Variants in SLC25A48 observed in about 807,000 individuals in gnomAD.
SLC25A48 encodes the protein solute carrier family 25 member 48, also known as CTC-321K16.1.
A neutral mutation model predicts 32.2 loss-of-function variants in SLC25A48; 29 were observed. That is an observed-to-expected ratio of 0.90 (90% confidence interval 0.67 to 1.23). The LOEUF (loss-of-function observed/expected upper bound fraction) is 1.23, where lower values mean the gene tolerates loss of function less well. SLC25A48 is among the 50% of genes most tolerant of loss of function. The pLI, the probability that SLC25A48 is intolerant of heterozygous loss-of-function variation, is 0.00. For missense variants in SLC25A48, 399 were observed against 422.7 expected, an observed-to-expected ratio of 0.94 and a Z score of 0.49; for synonymous variants, 164 against 172.3, an observed-to-expected ratio of 0.95 and a Z score of 0.38.
chr5:135,879,037 G>A (rs1457750487), intron 6 of SLC25A48, among the ~76,000 whole-genome samples: 1 of 152,178 alleles, frequency 6.6e-6, no homozygotes, highest in Non-Finnish European at 1.5e-5. Context: ...CAAGAAGATT[G>A]AGGGAGGAAA....
chr5:135,722,965 A>G (rs1262883705), intron 3 of SLC25A48, among the ~76,000 whole-genome samples: 1 of 152,244 alleles, frequency 6.6e-6, no homozygotes, highest in African/African-American at 2.4e-5. Flanking sequence ...GGTCACCCCC[A>G]GATAGGGCCA....
chr5:135,831,601 C>T (rs1376831051), upstream of SLC25A48, among the ~76,000 whole-genome samples: 1 of 152,154 alleles, frequency 6.6e-6, no homozygotes, highest in Non-Finnish European at 1.5e-5. Flanking sequence ...AAGAAGGGGG[C>T]AGGGATTAGC....
chr5:135,701,494 T>A (rs1698193601), intron 3 of SLC25A48, among the ~76,000 whole-genome samples: 1 of 151,522 alleles, frequency 6.6e-6, no homozygotes, highest in South Asian at 2.1e-4. Context: ...CCCCACCACA[T>A]ATACACCCTG....
chr5:135,610,706 A>G (rs929067910), intron 1 of SLC25A48, among the ~76,000 whole-genome samples: 1 of 152,248 alleles, frequency 6.6e-6, no homozygotes, highest in Admixed American at 6.5e-5. Flanking sequence ...TTTCCTGCCT[A>G]AAACTTCAGT....
chr5:135,642,221 AC>A (rs997875358), intron 3 of SLC25A48, among the ~76,000 whole-genome samples: 5 of 152,170 alleles, frequency 3.3e-5, no homozygotes, highest in African/African-American at 9.7e-5. Context: ...CAGGGAAATT[AC>A]CTTTGTTTAG....
chr5:135,849,182 C>T (rs1759641549), intron 2 of SLC25A48, among the ~76,000 whole-genome samples: 1 of 152,208 alleles, frequency 6.6e-6, no homozygotes, highest in African/African-American at 2.4e-5. Flanking sequence ...ATGTACTCTT[C>T]CAGGGCCTCC....
At position 135,802,922 on chromosome 5, in the gene SLC25A48, A is replaced by C. The variant is rs184573374; in HGVS notation, c.-520-9601A>C. On this transcript the variant is annotated intron_variant, in intron 3 of 10. Coordinates refer to the SLC25A48 transcript ENST00000646290. Reference sequence around the variant, plus strand: ...AGATATTACTCCTAATATCACAGTGAGTGTGCACCTTGTGATATTCATAAT... The same window carrying C: ...AGATATTACTCCTAATATCACAGTGCGTGTGCACCTTGTGATATTCATAAT... 41 of 151,286 alleles carry C rather than the reference A, an allele frequency of 2.7e-4. No individual in the cohort carries two copies. In the East Asian group the frequency reaches 7.8e-3, roughly 29 times the overall value. 9.4% of individuals were successfully genotyped at this position (151,286 alleles called of 1,614,324 possible).
intron 3 of SLC25A48, among the ~76,000 whole-genome samples, chr5:135,786,038 G>A (rs1472680258): frequency 6.7e-6 from 1 of 150,092 alleles, no homozygotes; most frequent in Non-Finnish European, 1.5e-5. Context: ...ATTTCTCCCC[G>A]TGGGGCTGGG....
chr5:135,625,982 C>A (rs1030566280), intron 1 of SLC25A48, among the ~76,000 whole-genome samples: 6 of 152,184 alleles, frequency 3.9e-5, no homozygotes, highest in African/African-American at 1.2e-4. Flanking sequence ...CCACCACTGC[C>A]CCATCTCCTG....
intron 3 of SLC25A48, among the ~76,000 whole-genome samples, chr5:135,776,927 C>T (rs749284457): frequency 4.6e-5 from 7 of 151,916 alleles, no homozygotes; most frequent in Non-Finnish European, 8.8e-5. Context: ...GCAGGGGCTG[C>T]ACAGGCTCCC....
intron 3 of SLC25A48, chr5:135,652,292 A>G (rs1456260994): frequency 4.5e-6 from 2 of 439,666 alleles, no homozygotes; most frequent in Admixed American, 2.4e-5. Context: ...GACCTTTTCT[A>G]TTATGAAGGA....
Position 135,643,010 on chromosome 5 carries a change from C to T in SLC25A48, c.-521+8054C>T, listed in dbSNP as rs548463655. On this transcript the variant is annotated intron_variant, in intron 3 of 10. Transcript: ENST00000646290. ...CCAGTGGGAGCCAGGGCGGCAGCAACGCAAGTCCTAAACCCCCAGCACACA... is the reference window on the plus strand; with the variant it reads ...CCAGTGGGAGCCAGGGCGGCAGCAATGCAAGTCCTAAACCCCCAGCACACA... Among the ~76,000 whole-genome samples, 30 of 152,272 alleles carry T rather than the reference C, an allele frequency of 2.0e-4. 1 individual carries two copies. Among genetic ancestry groups the T allele is most frequent in the African/African-American group, 6.7e-4 (28 of 41,540 alleles).
intron 3 of SLC25A48, among the ~76,000 whole-genome samples, chr5:135,698,814 T>C (rs1289673446): frequency 1.3e-5 from 2 of 152,236 alleles, no homozygotes; most frequent in Non-Finnish European, 2.9e-5. Context: ...CAAGGAATTA[T>C]ATCCAGAATA....
chr5:135,736,623 A>G (rs1219857445), intron 3 of SLC25A48, among the ~76,000 whole-genome samples: 2 of 152,108 alleles, frequency 1.3e-5, no homozygotes, highest in Non-Finnish European at 2.9e-5. Context: ...TTGCCCCCAG[A>G]AAAGTGGTGC....
intron 3 of SLC25A48, among the ~76,000 whole-genome samples, chr5:135,784,252 AGC>A (rs1377758438): frequency 2.9e-5 from 2 of 70,028 alleles, no homozygotes; most frequent in African/African-American, 6.8e-5. Context: ...TACTCCCAAT[AGC>A]GCAGAGAGTG....
rs150437361 is a variant in SLC25A48, at chr5:135,774,465, A to G, written c.-520-38058A>G. The stretch of plus-strand genomic sequence containing the variant: ...GCTTGTGATATTGTTCTTAATATCC[A>G]GAAGGGGAGAGGATAATATTACTCC... On this transcript the variant is annotated intron_variant, in intron 3 of 10. Coordinates refer to the SLC25A48 transcript ENST00000646290. Among the ~76,000 whole-genome samples, 781 of 151,904 alleles carry G rather than the reference A, an allele frequency of 5.1e-3. 4 individuals carry two copies. The highest frequency in any genetic ancestry group is 0.018 in the African/African-American group (750 of 41,472).
At chr5:135,798,888 G>C (rs1036455396) in intron 3 of SLC25A48, among the ~76,000 whole-genome samples, 3 of 151,452 alleles carry the variant, frequency 2.0e-5, no homozygotes, top group African/African-American at 7.3e-5. Context: ...ATATCCATGG[G>C]GATGACGATG....
At chr5:135,832,674 A>G (rs569768751), upstream of SLC25A48, among the ~76,000 whole-genome samples, 14 of 152,330 alleles carry the variant, frequency 9.2e-5, no homozygotes, top group African/African-American at 3.4e-4. Flanking sequence ...AAAGCAAGGC[A>G]CTAGCACAGA....
intron 3 of SLC25A48, among the ~76,000 whole-genome samples, chr5:135,851,412 A>G (rs1386593839): frequency 6.6e-6 from 1 of 152,114 alleles, no homozygotes; most frequent in East Asian, 1.9e-4. Context: ...CTTTTGGCAC[A>G]TGTTCCCGAC....
Sources: gnomAD v4.1 joint callset for allele counts (sites outside exome capture counted in the v4.1 genomes callset) on GRCh38, gnomAD v4.1.1 for gene constraint, MANE v1.5 for transcripts, NCBI Gene and HGNC (gene_info 2026-07-23, HGNC 2026-07-21) for gene names.